Variants in SMIM36 observed in about 807,000 individuals in gnomAD.
SMIM36 encodes the protein small integral membrane protein 36.
chr17:55,484,797 G>A (rs573026186), intron 1 of SMIM36, among the ~76,000 whole-genome samples: 5 of 152,304 alleles, frequency 3.3e-5, no homozygotes, highest in Non-Finnish European at 4.4e-5. Flanking sequence ...AACTTGAGGC[G>A]TGGTCACTGT....
Position 55,494,681 on chromosome 17 carries a change from AAC to A in SMIM36, c.*175-15103_*175-15102del, listed in dbSNP as rs200446563. On this transcript the variant is annotated intron_variant, in intron 1 of 4. Transcript: ENST00000636752. The stretch of plus-strand genomic sequence containing the variant: ...TGTATACTTTTGTATATTTTGTTTG[AAC>A]ACACACACACATACACACTCACACG... Among the ~76,000 whole-genome samples the A allele has an allele frequency of 7.7e-4, 117 of 152,118 alleles. No homozygotes were observed. In the East Asian group the frequency reaches 0.015, roughly 20 times the overall value.
At chr17:55,486,273 G>A (rs1215323864) in intron 1 of SMIM36, among the ~76,000 whole-genome samples, 2 of 151,996 alleles carry the variant, frequency 1.3e-5, no homozygotes, top group East Asian at 1.9e-4. Context: ...TCTTGACCTC[G>A]TGATCCACAC....
chr17:55,528,497 G>A, the SMIM36 span, among the ~76,000 whole-genome samples: 1 of 151,456 alleles, frequency 6.6e-6, no homozygotes, highest in East Asian at 1.9e-4. Flanking sequence ...GATTATAGGC[G>A]CACACCACCA....
chr17:55,502,278 G>C (rs1910004897), intron 1 of SMIM36, among the ~76,000 whole-genome samples: 2 of 146,794 alleles, frequency 1.4e-5, no homozygotes, highest in Non-Finnish European at 3.0e-5. Flanking sequence ...GCAGGGCACA[G>C]ACAAACAAAA....
At chr17:55,456,267 T>G (rs1446042132) in intron 4 of SMIM36, among the ~76,000 whole-genome samples, 1 of 151,724 alleles carries the variant, frequency 6.6e-6, no homozygotes, top group Non-Finnish European at 1.5e-5. Flanking sequence ...ATTTTCCCTA[T>G]ACAAGTCACA....
chr17:55,469,306 G>T (rs180752164), intron 3 of SMIM36, among the ~76,000 whole-genome samples: 8 of 152,262 alleles, frequency 5.3e-5, no homozygotes, highest in Non-Finnish European at 1.2e-4. Context: ...GGAGCTGAAG[G>T]CATAGTCAAG....
At chr17:55,530,026 T>C in the SMIM36 span, among the ~76,000 whole-genome samples, 8 of 152,190 alleles carry the variant, frequency 5.3e-5, no homozygotes, top group African/African-American at 1.7e-4. Context: ...TAACTAATAT[T>C]TCACCATCAA....
intron 1 of SMIM36, among the ~76,000 whole-genome samples, chr17:55,508,464 A>C (rs1180255439): frequency 8.4e-6 from 1 of 119,060 alleles, no homozygotes; most frequent in African/African-American, 3.1e-5. Flanking sequence ...ATATATATAT[A>C]TATATGAACC....
At chr17:55,455,826 A>C (rs28577949) in intron 4 of SMIM36, among the ~76,000 whole-genome samples, 1 of 151,556 alleles carries the variant, frequency 6.6e-6, no homozygotes, top group Non-Finnish European at 1.5e-5. Context: ...AAACAAAAAC[A>C]AAAAAAACAT....
intron 4 of SMIM36, among the ~76,000 whole-genome samples, chr17:55,462,150 G>A (rs191115609): frequency 8.5e-5 from 13 of 152,274 alleles, no homozygotes; most frequent in Admixed American, 5.9e-4. Flanking sequence ...ATAGACTTGG[G>A]TTTGAATATT....
intron 4 of SMIM36, among the ~76,000 whole-genome samples, chr17:55,464,771 T>C (rs1193191834): frequency 6.6e-6 from 1 of 152,216 alleles, no homozygotes; most frequent in Admixed American, 6.5e-5. Context: ...ACACAAATGC[T>C]ATTGATAAAG....
At chr17:55,451,067 A>G (rs2143219102) in intron 4 of SMIM36, among the ~76,000 whole-genome samples, 2 of 152,138 alleles carry the variant, frequency 1.3e-5, no homozygotes, top group South Asian at 4.2e-4. Flanking sequence ...TTGTATTTTT[A>G]GTAGATATGG....
At chr17:55,499,970 T>C (rs1449862790) in intron 1 of SMIM36, among the ~76,000 whole-genome samples, 1 of 151,882 alleles carries the variant, frequency 6.6e-6, no homozygotes, top group Non-Finnish European at 1.5e-5. Flanking sequence ...CAGGGGCAAA[T>C]AGGAAAAAGG....
intron 3 of SMIM36, among the ~76,000 whole-genome samples, chr17:55,477,852 T>A (rs1194622219): frequency 1.6e-5 from 1 of 61,450 alleles, no homozygotes; most frequent in Non-Finnish European, 3.8e-5. Flanking sequence ...AACCTATTAC[T>A]TTTTTTTTTT....
intron 4 of SMIM36, among the ~76,000 whole-genome samples, chr17:55,455,799 AAAAC>A (rs554626080): frequency 3.9e-4 from 60 of 151,936 alleles, no homozygotes; most frequent in East Asian, 9.7e-4. Flanking sequence ...TTCAAAAACA[AAAAC>A]AAACAAACAA....
intron 1 of SMIM36, among the ~76,000 whole-genome samples, chr17:55,499,469 A>C (rs930362796): frequency 2.6e-5 from 4 of 152,148 alleles, no homozygotes; most frequent in Non-Finnish European, 5.9e-5. Context: ...TAATCTTTGA[A>C]CTAGTTTTAG....
chr17:55,467,661 G>C (rs1171469848), intron 3 of SMIM36, among the ~76,000 whole-genome samples: 1 of 152,168 alleles, frequency 6.6e-6, no homozygotes, highest in Non-Finnish European at 1.5e-5. Flanking sequence ...CTCCCAAAGT[G>C]CAGGGATTGC....
chr17:55,522,586 A>C, the SMIM36 span, among the ~76,000 whole-genome samples: 1 of 152,176 alleles, frequency 6.6e-6, no homozygotes, highest in African/African-American at 2.4e-5. Flanking sequence ...AGTACCATGA[A>C]AACAGTATGG....
chr17:55,476,565 C>T (rs562881270), intron 3 of SMIM36, among the ~76,000 whole-genome samples: 1 of 96,746 alleles, frequency 1.0e-5, no homozygotes, highest in South Asian at 2.9e-4. Flanking sequence ...AAGATGGTCA[C>T]TATTTTTTTT....
Sources: gnomAD v4.1 joint callset for allele counts (sites outside exome capture counted in the v4.1 genomes callset) on GRCh38, gnomAD v4.1.1 for gene constraint, MANE v1.5 for transcripts, NCBI Gene and HGNC (gene_info 2026-07-23, HGNC 2026-07-21) for gene names.